UGT1A8: variants seen among roughly 807,000 people sequenced by gnomAD.
UGT1A8 encodes the protein UDP-glucuronosyltransferase 1A8.
A neutral mutation model predicts 45.3 loss-of-function variants in UGT1A8; 39 were observed. That is an observed-to-expected ratio of 0.86 (90% confidence interval 0.67 to 1.12). UGT1A8 has a LOEUF of 1.12. Among genes scored for constraint, UGT1A8 ranks in the 50% most tolerant of loss-of-function variants. UGT1A8 has a pLI of 0.00. For missense variants in UGT1A8, 719 were observed against 664.9 expected, an observed-to-expected ratio of 1.08 and a Z score of -0.90; for synonymous variants, 275 against 249.2, an observed-to-expected ratio of 1.10 and a Z score of -0.97.
intron 1 of UGT1A8, among the ~76,000 whole-genome samples, chr2:233,749,291 C>G (rs28900384): frequency 0.034 from 5,146 of 151,834 alleles, 168 homozygotes; most frequent in African/African-American, 0.052. Context: ...TGTAGTTATT[C>G]AATTATAAAA....
intron 1 of UGT1A8, among the ~76,000 whole-genome samples, chr2:233,634,260 T>C (rs1272682091): frequency 6.6e-6 from 1 of 152,208 alleles, no homozygotes; most frequent in Non-Finnish European, 1.5e-5. Context: ...AAGTGCAATG[T>C]GGTGCTGAGA....
intron 1 of UGT1A8, among the ~76,000 whole-genome samples, chr2:233,645,504 G>A (rs531747371): frequency 1.2e-4 from 19 of 152,302 alleles, no homozygotes; most frequent in African/African-American, 4.6e-4. Flanking sequence ...AAAATCAAAA[G>A]CAAGTTAGTT....
intron 1 of UGT1A8, among the ~76,000 whole-genome samples, chr2:233,678,508 T>C (rs1340699158): frequency 6.6e-6 from 1 of 152,170 alleles, no homozygotes. Flanking sequence ...AAATACATCA[T>C]AATTACTGTC....
intron 1 of UGT1A8, among the ~76,000 whole-genome samples, chr2:233,731,040 C>T (rs1274870309): frequency 2.6e-5 from 4 of 152,166 alleles, no homozygotes; most frequent in African/African-American, 9.7e-5. Flanking sequence ...ATGTCATATT[C>T]ACCGAATGTG....
At chr2:233,749,016 A>G (rs182702501) in intron 1 of UGT1A8, among the ~76,000 whole-genome samples, 47 of 151,794 alleles carry the variant, frequency 3.1e-4, no homozygotes, top group Non-Finnish European at 5.9e-4. Flanking sequence ...TCTTTAATCC[A>G]GAATATTTGG....
At position 233,680,731 on chromosome 2, in the gene UGT1A8, T is replaced by G. The variant is rs188576651; in HGVS notation, c.855+62169T>G. ...AATCTCATCCTCAAGGGGTGCTCGG[T>G]AGAATGGAGGAAACAATACATAGAT... On this transcript the variant is annotated intron_variant, in intron 1 of 4. Coordinates refer to ENST00000373450, the MANE Select transcript of UGT1A8 (RefSeq NM_019076.5). Among the ~76,000 whole-genome samples, 298 of 152,004 alleles carry G rather than the reference T, an allele frequency of 2.0e-3. 2 individuals carry two copies. Among genetic ancestry groups the G allele is most frequent in the African/African-American group, 6.9e-3 (285 of 41,438 alleles).
At chr2:233,681,736 G>A in intron 1 of UGT1A8, 1 of 771,868 alleles carries the variant, frequency 1.3e-6, no homozygotes, top group Non-Finnish European at 1.6e-6. Context: ...CTCTTTTCTT[G>A]AAAACATATA....
chr2:233,621,963 G>A (rs368250555), intron 1 of UGT1A8, among the ~76,000 whole-genome samples: 7 of 152,084 alleles, frequency 4.6e-5, no homozygotes, highest in African/African-American at 1.4e-4. Context: ...TCCTACTTAC[G>A]AGTGAGAATA....
At position 233,772,404 on chromosome 2, in the gene UGT1A8, T is replaced by C; in HGVS notation, c.1438T>C (p.Trp480Arg). The change falls in exon 5 of 5, where the codon TGG becomes CGG. Residue 480 changes from tryptophan (W) to arginine (R), a missense_variant. Coordinates refer to ENST00000373450, the MANE Select transcript of UGT1A8 (RefSeq NM_019076.5). ...HLRPAAHDLT[W>R]YQYHSLDVIG... ...GCGCCCCGCAGCCCACGACCTCACC[T>C]GGTACCAGTACCATTCCTTGGACGT... is the stretch of plus-strand genomic sequence containing the variant. 6.2e-7 allele frequency: 1 copy of C among 1,614,214 alleles called. No individual in the cohort carries two copies. The highest frequency in any genetic ancestry group is 8.5e-7 in the Non-Finnish European group (1 of 1,180,034).
At chr2:233,665,461 T>A (rs1441319185) in intron 1 of UGT1A8, among the ~76,000 whole-genome samples, 2 of 152,240 alleles carry the variant, frequency 1.3e-5, no homozygotes, top group African/African-American at 4.8e-5. Context: ...AAGTAGTGGC[T>A]GTGGCAAAGT....
intron 1 of UGT1A8, chr2:233,718,753 G>A: frequency 6.2e-7 from 1 of 1,612,362 alleles, no homozygotes; most frequent in Non-Finnish European, 8.5e-7. Flanking sequence ...AGGTAATTAA[G>A]GCGAAGGAAA....
chr2:233,737,440 C>T (rs575360355), intron 1 of UGT1A8, among the ~76,000 whole-genome samples: 16 of 152,288 alleles, frequency 1.1e-4, no homozygotes, highest in African/African-American at 3.1e-4. Context: ...GGGAGTGTCC[C>T]GTTTTTCCAG....
chr2:233,717,800 C>T, intron 1 of UGT1A8: 1 of 456,072 alleles, frequency 2.2e-6, no homozygotes, highest in Non-Finnish European at 4.4e-6. Flanking sequence ...AAGTAGTGCC[C>T]CCACAAATTA....
chr2:233,664,879 A>T (rs978645970), intron 1 of UGT1A8, among the ~76,000 whole-genome samples: 6 of 152,182 alleles, frequency 3.9e-5, no homozygotes, highest in African/African-American at 9.6e-5. Context: ...GTGCCACTTC[A>T]TGGACCTCTC....
At chr2:233,619,491 G>A (rs2072961307) in intron 1 of UGT1A8, among the ~76,000 whole-genome samples, 1 of 152,064 alleles carries the variant, frequency 6.6e-6, no homozygotes, top group Non-Finnish European at 1.5e-5. Context: ...GGGTTTTCCT[G>A]AATTGAGAAG....
rs149894725 is a variant in UGT1A8 at position 233,704,012 on chromosome 2, G to A, written c.856-63022G>A. Among the ~76,000 whole-genome samples the A allele has an allele frequency of 1.6e-4, 24 of 151,646 alleles. No individual in the cohort carries two copies. In the South Asian group the frequency reaches 2.5e-3, roughly 16 times the overall value. ...TTCAAGCAGTTCTCCCACCTCAGCC[G>A]CCCGAGCAGCTGGAACTACAGGTGT... On this transcript the variant is annotated intron_variant, in intron 1 of 4. Coordinates refer to ENST00000373450, the MANE Select transcript of UGT1A8 (RefSeq NM_019076.5).
In UGT1A8 at chr2:233,617,860, G is replaced by T. The variant is rs754677886; in HGVS notation, c.153G>T (p.Arg51Ser). The change falls in exon 1 of 5, where the codon AGG becomes AGT. Residue 51 changes from arginine to serine, a missense_variant. Transcript: ENST00000373450. ...MQSVVEKLILRGHEVVVVMPE... is the reference protein window; with the variant it reads ...MQSVVEKLILSGHEVVVVMPE... ...CGGTGGTGGAGAAACTTATCCTCAG[G>T]GGGCATGAGGTGGTTGTAGTCATGC... 2.5e-6 allele frequency: 4 copies of T among 1,614,076 alleles called. No homozygotes were observed. Among genetic ancestry groups the T allele is most frequent in the East Asian group, 2.2e-5 (1 of 44,876 alleles).
rs1399326771 is a variant in UGT1A8, at chr2:233,617,696, T to C, written c.-12T>C. 6.2e-7 allele frequency: 1 copy of C among 1,607,778 alleles called. No homozygotes were observed. The highest frequency in any genetic ancestry group is 8.5e-7 in the Non-Finnish European group (1 of 1,176,068). ...TAGAATCCCAGCTGCTGGCTCGGGC[T>C]GCAGTTCTCTCATGGCTCGCACAGG... On this transcript the variant is annotated 5_prime_UTR_variant, in exon 1 of 5. Transcript: ENST00000373450.
chr2:233,640,225 C>T (rs527664824), intron 1 of UGT1A8, among the ~76,000 whole-genome samples: 1 of 152,268 alleles, frequency 6.6e-6, no homozygotes, highest in African/African-American at 2.4e-5. Context: ...AATGAAAAGA[C>T]TATAGTGTAA....
Sources: allele counts gnomAD v4.1 joint callset (sites outside exome capture counted in the v4.1 genomes callset), GRCh38; gene constraint gnomAD v4.1.1; transcripts MANE v1.5; gene names NCBI Gene and HGNC (gene_info 2026-07-23, HGNC 2026-07-21).